The following PRELID2 variants were observed in gnomAD, a reference collection of about 807,000 sequenced individuals.
PRELID2 encodes PRELI domain-containing protein 2.
Under a neutral mutation model 28.4 loss-of-function variants are expected in PRELID2, and 25 were observed. That is an observed-to-expected ratio of 0.88 (90% CI 0.64 to 1.23). The LOEUF (loss-of-function observed/expected upper bound fraction) is 1.23, where lower values mean the gene tolerates loss of function less well. PRELID2 is among the 50% of genes most tolerant of loss of function. The pLI is 0.00. For synonymous variants in PRELID2, 76 were observed against 71.6 expected, an observed-to-expected ratio of 1.06 and a Z score of -0.31; for missense variants, 201 against 214.4, an observed-to-expected ratio of 0.94 and a Z score of 0.39.
the PRELID2 span, among the ~76,000 whole-genome samples, chr5:145,286,284 C>T: frequency 6.6e-6 from 1 of 152,176 alleles, no homozygotes; most frequent in African/African-American, 2.4e-5. Flanking sequence ...AGGATGCCTG[C>T]AGAGCCCACA....
At chr5:145,371,689 C>T in the PRELID2 span, among the ~76,000 whole-genome samples, 204 of 151,836 alleles carry the variant, frequency 1.3e-3, no homozygotes, top group African/African-American at 4.9e-3. Context: ...AGGAATGGTA[C>T]CAGCTCCTCC....
At chr5:145,531,665 T>A (rs1752656162) in intron 1 of PRELID2, among the ~76,000 whole-genome samples, 1 of 152,168 alleles carries the variant, frequency 6.6e-6, no homozygotes, top group South Asian at 2.1e-4. Context: ...TTCCCCAGGC[T>A]CTGCAAGGCC....
At chr5:145,545,311 C>T (rs73792615) in intron 1 of PRELID2, among the ~76,000 whole-genome samples, 24 of 152,162 alleles carry the variant, frequency 1.6e-4, no homozygotes, top group South Asian at 8.3e-4. Flanking sequence ...AGTCTATTTT[C>T]GAACTCAACT....
intron 1 of PRELID2, chr5:145,729,313 G>C (rs1756267677): frequency 1.0e-6 from 1 of 972,766 alleles, no homozygotes; most frequent in Admixed American, 1.9e-5. Flanking sequence ...TTGGGGCCTT[G>C]AGTCCAAATT....
In PRELID2 at chr5:145,774,163, T is replaced by C. The variant is rs571245658; in HGVS notation, c.475-9163A>G. 3.9e-5 allele frequency among the ~76,000 whole-genome samples: 6 copies of C among 152,344 alleles called. No individual in the cohort carries two copies. The South Asian group carries it at 1.2e-3, about 32-fold the overall frequency. On this transcript the variant is annotated intron_variant, in intron 5 of 6. Coordinates refer to ENST00000683046, the MANE Select transcript of PRELID2 (RefSeq NM_205846.3). ...GTATGCTGACACTTTACTTACATTA[T>C]CTCATTTAACCCTCTCAATAGTCCC...
At chr5:145,297,625 T>C in the PRELID2 span, among the ~76,000 whole-genome samples, 3 of 149,424 alleles carry the variant, frequency 2.0e-5, no homozygotes, top group South Asian at 2.1e-4. Flanking sequence ...CCAGGGCAAT[T>C]AGGCAGGAGA....
chr5:145,370,173 T>A, the PRELID2 span, among the ~76,000 whole-genome samples: 6 of 152,148 alleles, frequency 3.9e-5, no homozygotes, highest in East Asian at 1.9e-4. Flanking sequence ...GCTTTTCATG[T>A]TTTAGTCATG....
rs191920105 is a variant in PRELID2 at position 145,653,593 on chromosome 5, A to T, written n.70+111338T>A. Among the ~76,000 whole-genome samples, 75 of 152,314 alleles carry T rather than the reference A, an allele frequency of 4.9e-4. No individual in the cohort carries two copies. In the East Asian group the frequency reaches 0.013, roughly 25 times the overall value. The stretch of plus-strand genomic sequence containing the variant: ...TCAAACTAGAACTCAGGATTAAGAA[A>T]CTCACTCAAAACCACTCAACTACGT... On this transcript the variant is annotated intron_variant and non_coding_transcript_variant, in intron 1 of 2. Coordinates refer to the PRELID2 transcript ENST00000510259.
At chr5:145,586,844 A>C (rs139085253) in intron 1 of PRELID2, among the ~76,000 whole-genome samples, 91 of 152,310 alleles carry the variant, frequency 6.0e-4, no homozygotes, top group Middle Eastern at 3.4e-3. Flanking sequence ...GATGGTTATA[A>C]AGCCAGGATT....
In PRELID2 at chr5:145,624,209, A is replaced by G. The variant is rs1753814274; in HGVS notation, n.70+140722T>C. ...TTCCCAGAACCTTGATATGTTCACC[A>G]ACTCAGAAAGTCTCCAAACCCCATC... On this transcript the variant is annotated intron_variant and non_coding_transcript_variant, in intron 1 of 2. Coordinates refer to the PRELID2 transcript ENST00000510259. 3.3e-5 allele frequency among the ~76,000 whole-genome samples: 5 copies of G among 152,318 alleles called. No individual in the cohort carries two copies. In the South Asian group the frequency reaches 1.0e-3, roughly 32 times the overall value.
At chr5:145,315,526 A>C in the PRELID2 span, among the ~76,000 whole-genome samples, 1 of 148,548 alleles carries the variant, frequency 6.7e-6, no homozygotes, top group Admixed American at 6.7e-5. Flanking sequence ...TGGATGTCCT[A>C]GTTTGCTTGC....
chr5:145,823,835 G>T (rs340048), intron 1 of PRELID2, among the ~76,000 whole-genome samples: 114,970 of 152,102 alleles, frequency 0.76, 43,975 homozygotes, highest in Non-Finnish European at 0.83. Flanking sequence ...TGCTTTTGTC[G>T]TAGGCAATTT....
chr5:145,423,378 A>C, the PRELID2 span, among the ~76,000 whole-genome samples: 1 of 152,046 alleles, frequency 6.6e-6, no homozygotes, highest in Non-Finnish European at 1.5e-5. Context: ...TACACCAATC[A>C]GGCATAGATT....
At chr5:145,459,218 C>G in the PRELID2 span, among the ~76,000 whole-genome samples, 1 of 152,112 alleles carries the variant, frequency 6.6e-6, no homozygotes, top group African/African-American at 2.4e-5. Flanking sequence ...GGAGCTGTAT[C>G]CTGGAATCTT....
chr5:145,335,334 T>C, the PRELID2 span, among the ~76,000 whole-genome samples: 1 of 152,032 alleles, frequency 6.6e-6, no homozygotes, highest in African/African-American at 2.4e-5. Flanking sequence ...TATATCTCTT[T>C]GTATAACTTC....
In PRELID2 at chr5:145,760,158, C is replaced by T. The variant is rs1757403047; in HGVS notation, c.*378G>A. 1 of 152,134 alleles carries T rather than the reference C, an allele frequency of 6.6e-6. No individual in the cohort carries two copies. The highest frequency in any genetic ancestry group is 6.6e-5 in the Admixed American group (1 of 15,260). 9.4% of individuals were successfully genotyped at this position (152,134 alleles called of 1,614,324 possible). A position where few individuals can be genotyped will look rare whatever the true frequency, so the allele number is the denominator to read the frequency against. On this transcript the variant is annotated 3_prime_UTR_variant, in exon 7 of 7. Coordinates refer to ENST00000683046, the MANE Select transcript of PRELID2 (RefSeq NM_205846.3). ...GCTGATAACATAAGGGCACAAGCAC[C>T]CTCTCCAGGCCTTTATCCTGTCCTT...
the PRELID2 span, among the ~76,000 whole-genome samples, chr5:145,325,428 G>T: frequency 2.0e-5 from 3 of 152,164 alleles, no homozygotes; most frequent in Non-Finnish European, 4.4e-5. Flanking sequence ...GGGAGGTAGA[G>T]AGAAAACAAG....
At chr5:145,612,502 T>TA (rs1324116109) in intron 1 of PRELID2, among the ~76,000 whole-genome samples, 4 of 152,142 alleles carry the variant, frequency 2.6e-5, no homozygotes, top group Non-Finnish European at 5.9e-5. Flanking sequence ...ACAGGTGGTG[T>TA]TTGGTTACAT....
intron 1 of PRELID2, among the ~76,000 whole-genome samples, chr5:145,700,486 A>G (rs562683090): frequency 2.0e-5 from 3 of 152,324 alleles, no homozygotes; most frequent in East Asian, 3.9e-4. Flanking sequence ...TAGTTTTCAT[A>G]AATAGCCACT....
Sources: allele counts gnomAD v4.1 joint callset (sites outside exome capture counted in the v4.1 genomes callset), GRCh38; gene constraint gnomAD v4.1.1; transcripts MANE v1.5; gene names NCBI Gene and HGNC (gene_info 2026-07-23, HGNC 2026-07-21).